Variants in EPS8 observed in about 807,000 individuals in gnomAD.
The protein encoded by EPS8 is epidermal growth factor receptor kinase substrate 8.
EPS8 carries 42 observed loss-of-function variants against 103.8 expected under a neutral mutation model. That is an observed-to-expected ratio of 0.40 (90% CI 0.32 to 0.52). The LOEUF (loss-of-function observed/expected upper bound fraction) is 0.52. Ranked by LOEUF, EPS8 falls within the 20% of genes least tolerant of loss-of-function variation. The pLI is 0.40. For missense variants in EPS8, 969 were observed against 1,005.1 expected (o/e 0.96, Z 0.49); for synonymous variants, 344 against 344.6 (o/e 1.00, Z 0.02).
Position 15,745,241 on chromosome 12 carries a change from A to C in EPS8, c.-22+43920T>G, listed in dbSNP as rs958560104. Reference sequence around the variant, plus strand: ...AAATGAGTATAAAAGAACACTTTACAACCTAACTGCTTATTATAGACTAAG... The same window carrying C: ...AAATGAGTATAAAAGAACACTTTACCACCTAACTGCTTATTATAGACTAAG... On this transcript the variant is annotated intron_variant, in intron 1 of 20. Transcript: ENST00000281172. This position sits in a 1 kb window ranked among gnomAD's most constrained non-coding sequence, Gnocchi z 4.6. 2.6e-5 allele frequency among the ~76,000 whole-genome samples: 4 copies of C among 152,202 alleles called. No individual in the cohort carries two copies. Among genetic ancestry groups the C allele is most frequent in the African/African-American group, 9.6e-5 (4 of 41,456 alleles).
At chr12:15,638,745 T>C (rs1321981697) in intron 17 of EPS8, among the ~76,000 whole-genome samples, 1 of 152,170 alleles carries the variant, frequency 6.6e-6, no homozygotes, top group Admixed American at 6.5e-5. Flanking sequence ...AAATAAAAGA[T>C]GAGGTTCTGT....
At chr12:15,715,810 A>T (rs185734395) in intron 1 of EPS8, among the ~76,000 whole-genome samples, 3 of 151,694 alleles carry the variant, frequency 2.0e-5, no homozygotes, top group Admixed American at 1.3e-4. Flanking sequence ...TTTCTAATAA[A>T]CTTTCCCGAA....
At chr12:15,782,329 C>CA (rs1297473831) in intron 1 of EPS8, among the ~76,000 whole-genome samples, 1 of 151,750 alleles carries the variant, frequency 6.6e-6, no homozygotes, top group Non-Finnish European at 1.5e-5. Flanking sequence ...CCTGTCTCTG[C>CA]AAAAAATAAA....
At chr12:15,632,061 CACTT>C (rs1360162102) in intron 17 of EPS8, among the ~76,000 whole-genome samples, 2 of 152,098 alleles carry the variant, frequency 1.3e-5, no homozygotes, top group Non-Finnish European at 1.5e-5. Context: ...CATAAAGCAT[CACTT>C]ACTCATTTTA....
chr12:15,691,596 A>G (rs1946173069), intron 1 of EPS8, among the ~76,000 whole-genome samples: 1 of 152,114 alleles, frequency 6.6e-6, no homozygotes. Context: ...CAGAAGGCAA[A>G]AGAGAAGAGC....
intron 12 of EPS8, among the ~76,000 whole-genome samples, chr12:15,654,641 T>C (rs1162486791): frequency 6.6e-6 from 1 of 152,186 alleles, no homozygotes; most frequent in African/African-American, 2.4e-5. Flanking sequence ...TTTAAATATG[T>C]GTTTCTCTAC....
At chr12:15,665,681 T>C in intron 8 of EPS8, 75 bp downstream of exon 8, 1 of 1,541,026 alleles carries the variant, frequency 6.5e-7, no homozygotes, top group Non-Finnish European at 8.9e-7. Flanking sequence ...GAAATCAGCA[T>C]CAGAATTTGA....
intron 18 of EPS8, among the ~76,000 whole-genome samples, chr12:15,627,085 C>T (rs545969706): frequency 2.6e-5 from 4 of 152,190 alleles, no homozygotes; most frequent in African/African-American, 7.2e-5. Context: ...CTGCAACCTC[C>T]GCCTCCTGGG....
intron 6 of EPS8, among the ~76,000 whole-genome samples, chr12:15,667,039 T>G (rs1337835207): frequency 6.6e-6 from 1 of 152,216 alleles, no homozygotes; most frequent in East Asian, 1.9e-4. Context: ...AAAGTTAACT[T>G]TCTGCAAACA....
At chr12:15,642,392 T>C (rs1311617047) in intron 15 of EPS8, among the ~76,000 whole-genome samples, 1 of 152,134 alleles carries the variant, frequency 6.6e-6, no homozygotes, top group African/African-American at 2.4e-5. Flanking sequence ...ATGAGACTAG[T>C]AACACTTGCA....
chr12:15,712,167 A>G (rs979192205), intron 1 of EPS8, among the ~76,000 whole-genome samples: 1 of 152,194 alleles, frequency 6.6e-6, no homozygotes, highest in Non-Finnish European at 1.5e-5. Context: ...AATATTTTGA[A>G]AGAGTTGTTT....
intron 14 of EPS8, 64 bp from the exon 15 acceptor site, chr12:15,647,324 AG>A (rs1945337407): frequency 1.4e-6 from 2 of 1,413,290 alleles, no homozygotes; most frequent in Admixed American, 4.0e-5. Context: ...CACTCAGGTC[AG>A]TCAACAAGAT....
rs771713111 is a variant in EPS8 at position 15,631,442 on chromosome 12, G to A, written c.2044C>T (p.Arg682Ter). ...SQRHKQLPVDRRKSQMEEVQD... is the reference protein window; with the variant it reads ...SQRHKQLPVD ...TTTTTTGCCTCCCTGGGAAACTTACGGTCCACCGGAAGTTGTTTGTGTCTC... is the reference window on the plus strand; with the variant it reads ...TTTTTTGCCTCCCTGGGAAACTTACAGTCCACCGGAAGTTGTTTGTGTCTC... Residue 682 changes from arginine to a stop codon, truncating the protein, a stop_gained and splice_region_variant, in exon 18 of 21, where the codon CGA (arginine) becomes TGA (stop). Transcript: ENST00000281172. LOFTEE classifies it high-confidence loss of function. 3.7e-6 allele frequency: 6 copies of A among 1,613,608 alleles called. No individual in the cohort carries two copies. Among genetic ancestry groups the A allele is most frequent in the African/African-American group, 2.7e-5 (2 of 74,812 alleles).
At position 15,785,846 on chromosome 12, in the gene EPS8, G is replaced by A. The variant is rs1385429294; in HGVS notation, c.-22+3315C>T. ...ATGGTAGTATGTCAAAGAGGCACTG[G>A]AGTCAAGCTGTAACAAAGTAGCATT... On this transcript the variant is annotated intron_variant, in intron 1 of 20. Transcript: ENST00000281172. The surrounding 1 kb of genome is among the most constrained non-coding windows in gnomAD (Gnocchi z 4.9). Among the ~76,000 whole-genome samples, 1 of 151,942 alleles carries A rather than the reference G, an allele frequency of 6.6e-6. No individual in the cohort carries two copies. Among genetic ancestry groups the A allele is most frequent in the Non-Finnish European group, 1.5e-5 (1 of 67,916 alleles).
At chr12:15,622,109 T>C (rs1196317843) in intron 20 of EPS8, among the ~76,000 whole-genome samples, 2 of 152,116 alleles carry the variant, frequency 1.3e-5, no homozygotes, top group Non-Finnish European at 2.9e-5. Flanking sequence ...ACAATAATGA[T>C]AGGCAGGTGT....
At chr12:15,746,428 C>T (rs1436699979) in intron 1 of EPS8, among the ~76,000 whole-genome samples, 2 of 151,838 alleles carry the variant, frequency 1.3e-5, no homozygotes, top group East Asian at 1.9e-4. Context: ...CTCCTCATCA[C>T]TCTAGCCATT....
intron 3 of EPS8, among the ~76,000 whole-genome samples, chr12:15,677,605 T>C (rs1319454942): frequency 6.6e-6 from 1 of 152,200 alleles, no homozygotes; most frequent in African/African-American, 2.4e-5. Context: ...TCGTTTAAAA[T>C]TGTAAAAGGA....
chr12:15,738,010 TAAAC>T lies in EPS8; in HGVS notation c.-22+51147_-22+51150del, dbSNP rs549350671. ...TTTTTATACAAACTTTAAAATTAGC[TAAAC>T]AAATAGTAAATGAGGGGAATTCGCT... On this transcript the variant is annotated intron_variant, in intron 1 of 20. Coordinates refer to ENST00000281172, the MANE Select transcript of EPS8 (RefSeq NM_004447.6). This position sits in a 1 kb window ranked among gnomAD's most constrained non-coding sequence, Gnocchi z 6.2. Among the ~76,000 whole-genome samples, 1,211 of 152,232 alleles carry T rather than the reference TAAAC, an allele frequency of 8.0e-3. 14 individuals carry two copies. The highest frequency in any genetic ancestry group is 0.027 in the African/African-American group (1,130 of 41,552).
rs546939682 is a variant in EPS8, at chr12:15,719,613, G to C, written c.-21-36641C>G. Among the ~76,000 whole-genome samples, 10 of 152,266 alleles carry C rather than the reference G, an allele frequency of 6.6e-5. No homozygotes were observed. In the South Asian group the frequency reaches 2.1e-3, roughly 32 times the overall value. ...CAGAGGACATATCAGTTTTTAAAAC[G>C]GTTTAATTTCTTTGAATATCATTGG... On this transcript the variant is annotated intron_variant, in intron 1 of 20. Transcript: ENST00000281172.
Sources: gnomAD v4.1 joint callset for allele counts (sites outside exome capture counted in the v4.1 genomes callset) on GRCh38, gnomAD v4.1.1 for gene constraint, Gnocchi (gnomAD v3.1) non-coding constraint, MANE v1.5 for transcripts, NCBI Gene and HGNC (gene_info 2026-07-23, HGNC 2026-07-21) for gene names.